The following SNTG1 variants were observed in gnomAD, a reference collection of about 807,000 sequenced individuals.
The protein encoded by SNTG1 is gamma-1-syntrophin.
In SNTG1, 39 loss-of-function variants were observed where a neutral mutation model predicts 74.7. That is an observed-to-expected ratio of 0.52 (90% CI 0.40 to 0.68). The LOEUF (loss-of-function observed/expected upper bound fraction) is 0.68, where lower values mean the gene tolerates loss of function less well. SNTG1 is among the 30% of genes least tolerant of loss of function. The pLI is 0.00. For synonymous variants in SNTG1, 254 were observed against 217.1 expected, an observed-to-expected ratio of 1.17 and a Z score of -1.49; for missense variants, 685 against 609.5, an observed-to-expected ratio of 1.12 and a Z score of -1.30.
At chr8:50,375,902 A>T (rs1308958013) in intron 2 of SNTG1, among the ~76,000 whole-genome samples, 1 of 152,222 alleles carries the variant, frequency 6.6e-6, no homozygotes, top group Admixed American at 6.5e-5. Flanking sequence ...GAAGAACAGT[A>T]CATTTTTAGA....
chr8:49,971,658 T>G (rs1811686153), intron 1 of SNTG1, among the ~76,000 whole-genome samples: 1 of 152,148 alleles, frequency 6.6e-6, no homozygotes, highest in Admixed American at 6.5e-5. Flanking sequence ...ACAGGCAACT[T>G]CAGCAAAGTC....
At chr8:50,251,655 C>T (rs892275316) in intron 2 of SNTG1, among the ~76,000 whole-genome samples, 1 of 151,814 alleles carries the variant, frequency 6.6e-6, no homozygotes, top group African/African-American at 2.4e-5. Context: ...AATTACATAA[C>T]TAACTCAACA....
chr8:50,227,461 G>A (rs562821171), intron 2 of SNTG1, among the ~76,000 whole-genome samples: 12 of 152,232 alleles, frequency 7.9e-5, no homozygotes, highest in Admixed American at 2.6e-4. Flanking sequence ...TGTATCAAAT[G>A]CAGAATGGTA....
At chr8:49,991,384 CG>C (rs1813674434) in intron 1 of SNTG1, among the ~76,000 whole-genome samples, 1 of 152,114 alleles carries the variant, frequency 6.6e-6, no homozygotes, top group African/African-American at 2.4e-5. Flanking sequence ...ACACTCTGGC[CG>C]TTCATTAAAG....
chr8:50,082,634 A>T (rs1822515949), intron 1 of SNTG1, among the ~76,000 whole-genome samples: 1 of 152,126 alleles, frequency 6.6e-6, no homozygotes, highest in Admixed American at 6.6e-5. Context: ...CCTGATGATG[A>T]ATTTATGAAT....
intron 15 of SNTG1, among the ~76,000 whole-genome samples, chr8:50,673,702 T>C (rs2095296382): frequency 6.6e-6 from 1 of 152,180 alleles, no homozygotes; most frequent in South Asian, 2.1e-4. Context: ...GGCCAGAATT[T>C]CCAATACTAT....
chr8:50,087,887 C>A (rs1823053424), intron 1 of SNTG1, among the ~76,000 whole-genome samples: 1 of 149,386 alleles, frequency 6.7e-6, no homozygotes, highest in Non-Finnish European at 1.5e-5. Flanking sequence ...CCCACTAACT[C>A]GTCATCTAGC....
At chr8:50,511,290 A>C (rs1431063174) in intron 9 of SNTG1, among the ~76,000 whole-genome samples, 1 of 152,142 alleles carries the variant, frequency 6.6e-6, no homozygotes, top group African/African-American at 2.4e-5. Context: ...AGAGTTTGTT[A>C]TAATTTCTGT....
chr8:50,175,441 T>C (rs1264536816), intron 2 of SNTG1, among the ~76,000 whole-genome samples: 4 of 152,286 alleles, frequency 2.6e-5, no homozygotes, highest in Admixed American at 6.5e-5. Flanking sequence ...TTGGAAGCAC[T>C]TGTGGAAGAA....
chr8:50,450,241 A>G (rs1023549003), intron 6 of SNTG1, among the ~76,000 whole-genome samples: 26 of 152,232 alleles, frequency 1.7e-4, no homozygotes, highest in Admixed American at 1.6e-3. Flanking sequence ...TATGTCTTAA[A>G]CATTTTCACA....
At chr8:49,921,299 T>C (rs1393555596) in intron 1 of SNTG1, among the ~76,000 whole-genome samples, 1 of 152,032 alleles carries the variant, frequency 6.6e-6, no homozygotes, top group South Asian at 2.1e-4. Flanking sequence ...CTAACAAACA[T>C]ACCATGGTTA....
chr8:50,430,001 T>G (rs900430476), intron 4 of SNTG1, among the ~76,000 whole-genome samples: 1 of 152,174 alleles, frequency 6.6e-6, no homozygotes, highest in Non-Finnish European at 1.5e-5. Flanking sequence ...CATACATTGT[T>G]GATGAGAATA....
chr8:50,012,221 C>T (rs1487986270), intron 1 of SNTG1, among the ~76,000 whole-genome samples: 2 of 152,094 alleles, frequency 1.3e-5, no homozygotes, highest in African/African-American at 4.8e-5. Flanking sequence ...TGGACGTTGC[C>T]TGCATCTTCT....
chr8:49,933,925 G>A (rs565802818), intron 1 of SNTG1, among the ~76,000 whole-genome samples: 21 of 152,286 alleles, frequency 1.4e-4, no homozygotes, highest in African/African-American at 3.6e-4. Flanking sequence ...TAGGAATAAC[G>A]TGGGAAAGGG....
intron 11 of SNTG1, among the ~76,000 whole-genome samples, chr8:50,538,056 G>T (rs1040635378): frequency 2.6e-5 from 4 of 151,958 alleles, no homozygotes; most frequent in Non-Finnish European, 5.9e-5. Context: ...TAGTATTTTT[G>T]AGTATATCAC....
intron 1 of SNTG1, among the ~76,000 whole-genome samples, chr8:49,958,431 T>C (rs1481348779): frequency 2.6e-5 from 4 of 151,868 alleles, no homozygotes; most frequent in Non-Finnish European, 4.4e-5. Flanking sequence ...TTCTTTCTTT[T>C]TTTTTTTTTG....
rs1159285169 is a variant in SNTG1 at position 49,912,243 on chromosome 8, C to G, written c.-103+12C>G. On this transcript the variant is annotated intron_variant, in intron 1 of 18. Coordinates refer to ENST00000642720, the MANE Select transcript of SNTG1 (RefSeq NM_018967.5). ...TCATTGCTCGGCAGGTAAGTGATAGCGCTATTATTTTTGTTTTTTAAAATT... is the reference window on the plus strand; with the variant it reads ...TCATTGCTCGGCAGGTAAGTGATAGGGCTATTATTTTTGTTTTTTAAAATT... 6.6e-6 allele frequency: 1 copy of G among 152,108 alleles called. No individual in the cohort carries two copies. The highest frequency in any genetic ancestry group is 2.4e-5 in the African/African-American group (1 of 41,412). The allele number at this position is 152,108 out of a possible 1,614,324, so 9.4% of individuals were successfully genotyped here.
chr8:50,065,392 T>A (rs1563542745), intron 1 of SNTG1, among the ~76,000 whole-genome samples: 1 of 152,122 alleles, frequency 6.6e-6, no homozygotes, highest in Non-Finnish European at 1.5e-5. Flanking sequence ...AATGAACAAA[T>A]AAAAAGATGC....
intron 2 of SNTG1, among the ~76,000 whole-genome samples, chr8:50,357,982 T>TC (rs1051090221): frequency 3.3e-5 from 5 of 152,146 alleles, no homozygotes; most frequent in Non-Finnish European, 7.4e-5. Flanking sequence ...TTGTGTTTTT[T>TC]TTTACTATTT....
Sources: allele counts gnomAD v4.1 joint callset (sites outside exome capture counted in the v4.1 genomes callset), GRCh38; gene constraint gnomAD v4.1.1; transcripts MANE v1.5; gene names NCBI Gene and HGNC (gene_info 2026-07-23, HGNC 2026-07-21).